The following ABCB5 variants were observed in gnomAD, a reference collection of about 807,000 sequenced individuals.
ABCB5 encodes ATP binding cassette subfamily B member 5.
ABCB5 carries 155 observed loss-of-function variants against 144.2 expected under a neutral mutation model. That is an observed-to-expected ratio of 1.08 (90% CI 0.94 to 1.23). The LOEUF (loss-of-function observed/expected upper bound fraction) is 1.23, where lower values mean the gene tolerates loss of function less well. ABCB5 is among the 50% of genes most tolerant of loss of function. ABCB5 has a pLI of 0.00. For synonymous variants in ABCB5, 610 were observed against 528.6 expected (o/e 1.15, Z -2.11); for missense variants, 1,830 against 1,520.8 (o/e 1.20, Z -3.38).
chr7:20,643,307 A>T lies in ABCB5; in HGVS notation c.438A>T (p.Ser146=). Residue 146 remains serine, a synonymous_variant, in exon 6 of 28, where the codon TCA becomes TCT. Coordinates refer to ENST00000404938, the MANE Select transcript of ABCB5 (RefSeq NM_001163941.2). ...GGATTCGAAAACAGTTTTTTCATTC[A>T]GTTTTGGCACAGGACATCGGCTGGT... ...TKRIRKQFFH[S]VLAQDIGWFD... is the part of the protein sequence containing the mutation. 2 of 1,613,988 alleles carry T rather than the reference A, an allele frequency of 1.2e-6. No individual in the cohort carries two copies. Among genetic ancestry groups the T allele is most frequent in the Non-Finnish European group, 1.7e-6 (2 of 1,179,876 alleles).
At chr7:20,678,920 C>G (rs1229943814) in intron 14 of ABCB5, among the ~76,000 whole-genome samples, 2 of 152,156 alleles carry the variant, frequency 1.3e-5, no homozygotes, top group African/African-American at 4.8e-5. Flanking sequence ...CTGGTTAACT[C>G]TATGGGGAAA....
chr7:20,626,932 G>C (rs1783922847), intron 3 of ABCB5, among the ~76,000 whole-genome samples: 1 of 151,524 alleles, frequency 6.6e-6, no homozygotes, highest in South Asian at 2.1e-4. Context: ...TCTGAGTGGT[G>C]GGAAATTATC....
At chr7:20,648,794 T>C (rs1189259151) in intron 11 of ABCB5, among the ~76,000 whole-genome samples, 1 of 152,196 alleles carries the variant, frequency 6.6e-6, no homozygotes, top group African/African-American at 2.4e-5. Context: ...TACCTACTCC[T>C]ACTTCCTTAT....
intron 9 of ABCB5, chr7:20,647,191 C>A: frequency 1.3e-6 from 1 of 745,752 alleles, no homozygotes. Context: ...GAGTGCAACT[C>A]ACCATGGGGT....
Position 20,685,700 on chromosome 7 carries a change from T to C in ABCB5, c.1874T>C (p.Ile625Thr). 3.7e-6 allele frequency: 6 copies of C among 1,603,602 alleles called. No homozygotes were observed. The highest frequency in any genetic ancestry group is 5.1e-6 in the Non-Finnish European group (6 of 1,175,750). Reference sequence around the variant, plus strand: ...CCTATATATTCTTCCTGTAAGGATATTAAAAAAGCTGATGAACAGATGGAG... The same window carrying C: ...CCTATATATTCTTCCTGTAAGGATACTAAAAAAGCTGATGAACAGATGGAG... The part of the protein sequence containing the change: ...LYYSLVMSQD[I>T]KKADEQMESM... Residue 625 changes from isoleucine (I) to threonine (T), a missense_variant, in exon 16 of 28, where the codon ATT becomes ACT. By Grantham distance (89) the Ile-to-Thr change is moderately conservative. Transcript: ENST00000404938.
chr7:20,693,295 C>T (rs1786296416), intron 16 of ABCB5, among the ~76,000 whole-genome samples: 1 of 151,958 alleles, frequency 6.6e-6, no homozygotes, highest in Non-Finnish European at 1.5e-5. Flanking sequence ...GAACCCAAGA[C>T]TTTGAGGCTG....
At chr7:20,743,997 C>G (rs983751856) in intron 25 of ABCB5, among the ~76,000 whole-genome samples, 1 of 152,166 alleles carries the variant, frequency 6.6e-6, no homozygotes, top group African/African-American at 2.4e-5. Flanking sequence ...AAGCTCCTCT[C>G]ATATCACTCC....
chr7:20,735,253 A>T (rs2128053380), intron 23 of ABCB5, among the ~76,000 whole-genome samples: 1 of 152,326 alleles, frequency 6.6e-6, no homozygotes, highest in African/African-American at 2.4e-5. Context: ...TTAAAAACCA[A>T]ATGCAGTTCT....
intron 2 of ABCB5, 100 bp from the exon 3 acceptor site, chr7:20,626,457 T>C: frequency 4.2e-6 from 4 of 948,850 alleles, no homozygotes; most frequent in Non-Finnish European, 4.7e-6. Context: ...ATAAATTTGC[T>C]ACCAAGGTGA....
rs1376608891 is a variant in ABCB5 at position 20,698,550 on chromosome 7, C to T, written c.2154C>T (p.Thr718=). The change falls in exon 17 of 28, where the codon ACC becomes ACT. Residue 718 remains threonine (T), a splice_region_variant and synonymous_variant. Coordinates refer to ENST00000404938, the MANE Select transcript of ABCB5 (RefSeq NM_001163941.2). ...CCATCATCTTTGCAAAAATTATAACCGTAAGTAAAATAAATTTGCTAATAC... is the reference window on the plus strand; with the variant it reads ...CCATCATCTTTGCAAAAATTATAACTGTAAGTAAAATAAATTTGCTAATAC... The part of the protein sequence containing the change: ...VFSIIFAKII[T]MFGNNDKTTL... 4.4e-6 allele frequency: 7 copies of T among 1,585,406 alleles called. No individual in the cohort carries two copies. The highest frequency in any genetic ancestry group is 2.7e-5 in the African/African-American group (2 of 72,898).
At chr7:20,626,392 AC>A (rs1783909605) in intron 2 of ABCB5, among the ~76,000 whole-genome samples, 164 bp from the exon 3 acceptor site, 1 of 152,234 alleles carries the variant, frequency 6.6e-6, no homozygotes, top group African/African-American at 2.4e-5. Context: ...AAGTTTACAG[AC>A]AACCAGTGAC....
intron 2 of ABCB5, among the ~76,000 whole-genome samples, chr7:20,624,889 T>C (rs1783875165): frequency 6.6e-6 from 1 of 152,246 alleles, no homozygotes; most frequent in Admixed American, 6.5e-5. Context: ...CAAAGGACAC[T>C]TGGCCCCAAG....
rs773162567 is a variant in ABCB5 at position 20,742,931 on chromosome 7, C to A, written c.3079C>A (p.Arg1027Ser). 3 of 1,614,034 alleles carry A rather than the reference C, an allele frequency of 1.9e-6. No homozygotes were observed. In the African/African-American group the frequency reaches 4.0e-5, roughly 22 times the overall value. Residue 1027 changes from arginine (R) to serine (S), a missense_variant, in exon 25 of 28, where the codon CGC (arginine) becomes AGC (serine). Physicochemically the swap from Arg to Ser is moderately radical, Grantham distance 110 (BLOSUM62 -1). Transcript: ENST00000404938. ...AGAAGTCTCTTTCTTCTATCCATGT[C>A]GCCCAGATGTTTTCATCCTCCGTGG... ...FREVSFFYPC[R>S]PDVFILRGLS...
At chr7:20,621,004 C>T (rs1783795222) in intron 1 of ABCB5, among the ~76,000 whole-genome samples, 1 of 152,050 alleles carries the variant, frequency 6.6e-6, no homozygotes, top group South Asian at 2.1e-4. Context: ...AAGTGTCCAT[C>T]AACAGATGTG....
Position 20,753,432 on chromosome 7 carries a change from A to C in ABCB5, c.3502A>C (p.Arg1168=), listed in dbSNP as rs1353402470. 3 of 1,614,062 alleles carry C rather than the reference A, an allele frequency of 1.9e-6. No homozygotes were observed. The highest frequency in any genetic ancestry group is 2.5e-6 in the Non-Finnish European group (3 of 1,180,024). The change falls in exon 27 of 28, where the codon AGG becomes CGG. Residue 1168 remains arginine, a synonymous_variant. Transcript: ENST00000404938. ...CCAGAAACAAAGACTAGCTATTGCA[A>C]GGGCTCTTCTCCAAAAACCCAAAAT... ...GGQKQRLAIA[R]ALLQKPKILL...
chr7:20,696,712 G>C (rs1322787504), intron 16 of ABCB5, among the ~76,000 whole-genome samples: 1 of 151,972 alleles, frequency 6.6e-6, no homozygotes, highest in South Asian at 2.1e-4. Context: ...GTTTTTGTAT[G>C]AGATTATTTT....
At chr7:20,678,875 G>A (rs1562557698) in intron 14 of ABCB5, among the ~76,000 whole-genome samples, 1 of 152,172 alleles carries the variant, frequency 6.6e-6, no homozygotes, top group Non-Finnish European at 1.5e-5. Flanking sequence ...GTATAGTAGG[G>A]AAATGATGGT....
At chr7:20,717,580 T>A (rs887258691) in intron 20 of ABCB5, among the ~76,000 whole-genome samples, 79 of 150,622 alleles carry the variant, frequency 5.2e-4, no homozygotes, top group African/African-American at 1.8e-3. Flanking sequence ...GTAGCTGGGA[T>A]TACAGACACG....
intron 5 of ABCB5, among the ~76,000 whole-genome samples, chr7:20,635,252 CT>C (rs1426412433): frequency 6.6e-6 from 1 of 151,736 alleles, no homozygotes; most frequent in Non-Finnish European, 1.5e-5. Context: ...ATTCTTTTTC[CT>C]TGATCTATGT....
Sources: allele counts gnomAD v4.1 joint callset (sites outside exome capture counted in the v4.1 genomes callset), GRCh38; gene constraint gnomAD v4.1.1; transcripts MANE v1.5; gene names NCBI Gene and HGNC (gene_info 2026-07-23, HGNC 2026-07-21).